GAK: variants seen among roughly 807,000 people sequenced by gnomAD.
GAK encodes cyclin-G-associated kinase.
GAK carries 79 observed loss-of-function variants against 143.9 expected under a neutral mutation model. That is an observed-to-expected ratio of 0.55 (90% confidence interval 0.46 to 0.66). GAK has a LOEUF of 0.66. Ranked by LOEUF, GAK falls within the 30% of genes least tolerant of loss-of-function variation. GAK has a pLI of 0.00. For missense variants in GAK, 1,693 were observed against 1,779.7 expected, an observed-to-expected ratio of 0.95 and a Z score of 0.88; for synonymous variants, 881 against 765.5, an observed-to-expected ratio of 1.15 and a Z score of -2.49.
Position 849,396 on chromosome 4 carries a change from G to C in GAK, c.*277C>G. 2.0e-6 allele frequency: 1 copy of C among 499,558 alleles called. No homozygotes were observed. Among genetic ancestry groups the C allele is most frequent in the Non-Finnish European group, 3.7e-6 (1 of 273,660 alleles). 30.9% of individuals were successfully genotyped at this position (499,558 alleles called of 1,614,324 possible). A position where few individuals can be genotyped will look rare whatever the true frequency, so the allele number is the denominator to read the frequency against. On this transcript the variant is annotated 3_prime_UTR_variant, in exon 28 of 28. Transcript: ENST00000314167. ...CCCACCACGTGCCGGGGCTCCAGAG[G>C]CCACGCCCGAAACACCAAATAAATC...
At position 914,866 on chromosome 4, in the gene GAK, C is replaced by A. The variant is rs1365833855; in HGVS notation, c.146-1198G>T. ...ACAGATAGCTCCAGCATGCACGGCCCCACACACACACACAGCCCCAGCGTG... is the reference window on the plus strand; with the variant it reads ...ACAGATAGCTCCAGCATGCACGGCCACACACACACACACAGCCCCAGCGTG... On this transcript the variant is annotated intron_variant, in intron 1 of 27. Coordinates refer to ENST00000314167, the MANE Select transcript of GAK (RefSeq NM_005255.4). 3.2e-5 allele frequency among the ~76,000 whole-genome samples: 4 copies of A among 124,910 alleles called. 1 individual carries two copies. The highest frequency in any genetic ancestry group is 2.4e-4 in the Admixed American group (3 of 12,300). 81.9% of individuals were successfully genotyped at this position (124,910 alleles called of 152,430 possible). A position where few individuals can be genotyped will look rare whatever the true frequency, so the allele number is the denominator to read the frequency against.
At chr4:922,003 G>A (rs949936417) in intron 1 of GAK, among the ~76,000 whole-genome samples, 1 of 152,128 alleles carries the variant, frequency 6.6e-6, no homozygotes, top group South Asian at 2.1e-4. Context: ...TAAAAACCAC[G>A]ACGCCAAATG....
chr4:920,373 T>G (rs1038456451), intron 1 of GAK, among the ~76,000 whole-genome samples: 1 of 150,684 alleles, frequency 6.6e-6, no homozygotes, highest in Non-Finnish European at 1.5e-5. Flanking sequence ...TTTTAACACC[T>G]CTAACGCAGT....
intron 11 of GAK, chr4:887,940 C>A (rs569400347): frequency 1.3e-5 from 2 of 152,480 alleles, no homozygotes; most frequent in African/African-American, 2.4e-5. Flanking sequence ...TGTTAACACA[C>A]CCATTCCCTC....
chr4:898,173 A>G lies in GAK; in HGVS notation c.526-15T>C. On this transcript the variant is annotated splice_polypyrimidine_tract_variant and intron_variant, in intron 5 of 27. Coordinates refer to ENST00000314167, the MANE Select transcript of GAK (RefSeq NM_005255.4). ...AAGTTCTCAACCTGTAAAATTCCAC[A>G]AGACAGCCCCGTGAACTTGGCGTAG... 1 of 1,613,410 alleles carries G rather than the reference A, an allele frequency of 6.2e-7. No individual in the cohort carries two copies. Among genetic ancestry groups the G allele is most frequent in the Non-Finnish European group, 8.5e-7 (1 of 1,179,488 alleles).
intron 5 of GAK, among the ~76,000 whole-genome samples, chr4:900,646 C>G (rs1453494771): frequency 6.6e-6 from 1 of 152,162 alleles, no homozygotes; most frequent in Non-Finnish European, 1.5e-5. Flanking sequence ...GCAGGACTGG[C>G]CCCTCATGGA....
intron 4 of GAK, among the ~76,000 whole-genome samples, chr4:906,841 C>A (rs1721171201): frequency 1.3e-5 from 2 of 152,196 alleles, no homozygotes; most frequent in African/African-American, 4.8e-5. Context: ...GCGCTCCCAG[C>A]CACACTGGCC....
chr4:885,021 C>CTGTG (rs1560355875), intron 11 of GAK, among the ~76,000 whole-genome samples: 8 of 151,894 alleles, frequency 5.3e-5, no homozygotes, highest in Admixed American at 1.3e-4. Flanking sequence ...TGCGGGTCTT[C>CTGTG]CGTGCGTTCA....
chr4:909,996 C>T (rs1019238649), intron 4 of GAK, among the ~76,000 whole-genome samples: 2 of 152,074 alleles, frequency 1.3e-5, no homozygotes, highest in African/African-American at 2.4e-5. Flanking sequence ...GTCAGGACAA[C>T]CCTGGCAACA....
intron 9 of GAK, among the ~76,000 whole-genome samples, chr4:892,743 G>C (rs1202641213): frequency 6.6e-6 from 1 of 152,206 alleles, no homozygotes; most frequent in Non-Finnish European, 1.5e-5. Flanking sequence ...CCAGAGCTGA[G>C]GGCTGGCTGA....
At chr4:926,553 A>G (rs1220093948) in intron 1 of GAK, among the ~76,000 whole-genome samples, 1 of 152,216 alleles carries the variant, frequency 6.6e-6, no homozygotes, top group Non-Finnish European at 1.5e-5. Context: ...TGTGAGGACC[A>G]CACAATCCAC....
chr4:912,045 C>A (rs1218096250), intron 3 of GAK: 1 of 497,298 alleles, frequency 2.0e-6, no homozygotes, highest in East Asian at 5.4e-5. Flanking sequence ...CACAGCGACA[C>A]CAAAGTCCAT....
At chr4:889,052 C>T in intron 10 of GAK, 82 bp from the exon 11 acceptor site, 39 of 1,458,074 alleles carry the variant, frequency 2.7e-5, no homozygotes, top group Non-Finnish European at 3.6e-5. Context: ...GGCCCAGGCC[C>T]CAGGCGCTCG....
intron 15 of GAK, among the ~76,000 whole-genome samples, chr4:881,149 G>A (rs991284157): frequency 2.4e-4 from 37 of 152,212 alleles, no homozygotes; most frequent in Non-Finnish European, 1.0e-4. Flanking sequence ...ATCCAGAGGG[G>A]ATAAAGAATG....
rs374374696 is a variant in GAK at position 900,136 on chromosome 4, T to C, written c.526-1978A>G. On this transcript the variant is annotated intron_variant, in intron 5 of 27. Transcript: ENST00000314167. ...GTGCCCATCCCCTCGCGTGTGCCCG[T>C]TCCCATTCTACAGCCAACAGAGACG... Among the ~76,000 whole-genome samples, 125 of 152,304 alleles carry C rather than the reference T, an allele frequency of 8.2e-4. 1 individual carries two copies. Among genetic ancestry groups the C allele is most frequent in the African/African-American group, 2.9e-3 (120 of 41,574 alleles).
chr4:859,496 T>C (rs1417149660), intron 24 of GAK, 110 bp downstream of exon 24: 13 of 1,600,986 alleles, frequency 8.1e-6, no homozygotes, highest in Non-Finnish European at 1.1e-5. Context: ...TTGGGGGTCT[T>C]AGTGAACAGA....
chr4:851,617 C>A, intron 25 of GAK, 133 bp downstream of exon 25: 2 of 884,402 alleles, frequency 2.3e-6, no homozygotes, highest in South Asian at 1.5e-5. Flanking sequence ...GAAACCGCGT[C>A]GTTCTCTGAG....
chr4:930,655 GA>G (rs1248910654), intron 1 of GAK, among the ~76,000 whole-genome samples: 2 of 151,828 alleles, frequency 1.3e-5, no homozygotes, highest in African/African-American at 4.8e-5. Flanking sequence ...AAAGAATGAA[GA>G]TAACCACCTA....
Position 877,141 on chromosome 4 carries a change from G to A in GAK, c.1923C>T (p.Leu641=). Residue 641 remains leucine, a synonymous_variant, in exon 17 of 28, where the codon CTC becomes CTT. Transcript: ENST00000314167. ...PLGVTVQGDV[L]IVIYHARSTL... is the part of the protein sequence containing the mutation. ...TGGACCGGGCGTGATAGATGACGATGAGCACGTCTCCTTGCACCGTGACGC... is the reference window on the plus strand; with the variant it reads ...TGGACCGGGCGTGATAGATGACGATAAGCACGTCTCCTTGCACCGTGACGC... 1.9e-6 allele frequency: 3 copies of A among 1,614,002 alleles called. No individual in the cohort carries two copies. Among genetic ancestry groups the A allele is most frequent in the South Asian group, 2.2e-5 (2 of 91,074 alleles).
Sources: gnomAD v4.1 joint callset for allele counts (sites outside exome capture counted in the v4.1 genomes callset) on GRCh38, gnomAD v4.1.1 for gene constraint, MANE v1.5 for transcripts, NCBI Gene and HGNC (gene_info 2026-07-23, HGNC 2026-07-21) for gene names.